Variants in HORMAD2 observed in about 807,000 individuals in gnomAD.
HORMAD2 encodes the protein HORMA domain-containing protein 2.
HORMAD2 carries 45 observed loss-of-function variants against 38.8 expected under a neutral mutation model. The ratio of observed to expected loss-of-function variants is 1.16; its 90% CI spans 0.91 to 1.49. HORMAD2 has a LOEUF of 1.49. Among genes scored for constraint, HORMAD2 ranks in the 40% most tolerant of loss-of-function variants. The probability of loss-of-function intolerance (pLI) is 0.00; values close to 1 mark genes in which losing one functional copy is unlikely to be tolerated. For missense variants in HORMAD2, 338 were observed against 367.0 expected, an observed-to-expected ratio of 0.92 and a Z score of 0.65; for synonymous variants, 126 against 122.8, an observed-to-expected ratio of 1.03 and a Z score of -0.17.
At chr22:30,139,670 C>T (rs914975666) in intron 10 of HORMAD2, among the ~76,000 whole-genome samples, 5 of 151,854 alleles carry the variant, frequency 3.3e-5, no homozygotes, top group African/African-American at 7.3e-5. Flanking sequence ...TGTCTTGTTC[C>T]TAATCTTAGA....
intron 10 of HORMAD2, among the ~76,000 whole-genome samples, chr22:30,167,903 A>G (rs993796882): frequency 2.0e-5 from 3 of 152,172 alleles, no homozygotes; most frequent in Non-Finnish European, 2.9e-5. Context: ...TGTGAACTAG[A>G]TAAGTCATTT....
At chr22:30,155,076 TAA>T (rs76739346) in intron 10 of HORMAD2, among the ~76,000 whole-genome samples, 36 of 137,932 alleles carry the variant, frequency 2.6e-4, no homozygotes, top group Non-Finnish European at 3.5e-4. Context: ...TTGCTTTTTT[TAA>T]AAAAAAAAAA....
In HORMAD2 at chr22:30,122,519, G is replaced by A. The variant is rs145224751; in HGVS notation, c.819+305G>A. On this transcript the variant is annotated intron_variant, in intron 10 of 10. Coordinates refer to ENST00000336726, the MANE Select transcript of HORMAD2 (RefSeq NM_152510.4). Reference sequence around the variant, plus strand: ...TTTATTTGTAAATGACATAATTTTAGGGTTGAAAAATATTCTAGGTATTTA... The same window carrying A: ...TTTATTTGTAAATGACATAATTTTAAGGTTGAAAAATATTCTAGGTATTTA... Among the ~76,000 whole-genome samples, 46 of 152,072 alleles carry A rather than the reference G, an allele frequency of 3.0e-4. 2 individuals are homozygous for A. In the East Asian group the frequency reaches 8.9e-3, roughly 29 times the overall value.
At chr22:30,097,335 T>A (rs1302535386) in intron 2 of HORMAD2, among the ~76,000 whole-genome samples, 1 of 152,214 alleles carries the variant, frequency 6.6e-6, no homozygotes, top group Non-Finnish European at 1.5e-5. Flanking sequence ...TATCAGTCGC[T>A]CTCTTATCAC....
intron 10 of HORMAD2, chr22:30,136,921 T>C (rs1923703624): frequency 4.0e-6 from 2 of 496,608 alleles, no homozygotes; most frequent in South Asian, 5.3e-5. Flanking sequence ...ACCACTTCTT[T>C]CAAGTCATTT....
rs2068811481 is a variant in HORMAD2 at position 30,097,872 on chromosome 22, G to A, written c.52-980G>A. Among the ~76,000 whole-genome samples, 4 of 152,202 alleles carry A rather than the reference G, an allele frequency of 2.6e-5. No homozygotes were observed. In the South Asian group the frequency reaches 6.2e-4, roughly 24 times the overall value. ...ATAAGGGGCTACTGCAGTAATCAAG[G>A]AGAGAATTGAGTATGTCCTCGGTCA... On this transcript the variant is annotated intron_variant, in intron 2 of 10. Transcript: ENST00000336726.
At chr22:30,130,107 A>T (rs540506762) in intron 10 of HORMAD2, among the ~76,000 whole-genome samples, 7 of 152,302 alleles carry the variant, frequency 4.6e-5, no homozygotes, top group Non-Finnish European at 8.8e-5. Context: ...AACAGCTTAC[A>T]CTGCTTTTCT....
intron 10 of HORMAD2, among the ~76,000 whole-genome samples, chr22:30,148,607 T>C (rs890627369): frequency 6.6e-6 from 1 of 152,220 alleles, no homozygotes; most frequent in African/African-American, 2.4e-5. Context: ...GTCCTATTGA[T>C]AATTGTCTCA....
upstream of HORMAD2, among the ~76,000 whole-genome samples, chr22:30,079,086 T>C (rs1413889961): frequency 1.3e-5 from 2 of 152,210 alleles, no homozygotes; most frequent in Non-Finnish European, 2.9e-5. Flanking sequence ...AGTCATTATG[T>C]TCTAAACTCA....
At chr22:30,105,297 T>C in intron 5 of HORMAD2, 1 of 173,818 alleles carries the variant, frequency 5.8e-6, no homozygotes, top group South Asian at 1.3e-4. Context: ...CGCATGAACT[T>C]GGTGTGTTTG....
At chr22:30,180,915 CCCTTCCCTCTCCTCTCCTCT>C (rs1926676834), downstream of HORMAD2, among the ~76,000 whole-genome samples, 1 of 90,026 alleles carries the variant, frequency 1.1e-5, no homozygotes, top group African/African-American at 4.8e-5. Flanking sequence ...CTTTCCCTTT[CCCTTCCCTCTCCTCTCCTCT>C]CCTCTCCTCT....
chr22:30,096,759 A>C (rs975829302), intron 2 of HORMAD2, among the ~76,000 whole-genome samples: 1 of 151,922 alleles, frequency 6.6e-6, no homozygotes, highest in South Asian at 2.1e-4. Flanking sequence ...GTGAGCCACC[A>C]CCCCTGGCCT....
In HORMAD2 at chr22:30,098,978, G is replaced by A. The variant is rs754337136; in HGVS notation, c.178G>A (p.Glu60Lys). ...RGLFPESSYGERHLDDLSLKI... is the reference protein window; with the variant it reads ...RGLFPESSYGKRHLDDLSLKI... ...CCTGTTTCCAGAGAGCTCTTATGGA[G>A]AACGCCATTTGGATGGTAAAGTTAA... Residue 60 changes from glutamate (E) to lysine (K), a missense_variant, in exon 3 of 11, where the codon GAA (glutamate) becomes AAA (lysine). Glu to Lys is a moderately conservative substitution (Grantham distance 56). Coordinates refer to ENST00000336726, the MANE Select transcript of HORMAD2 (RefSeq NM_152510.4). 2.5e-6 allele frequency: 4 copies of A among 1,608,694 alleles called. No individual in the cohort carries two copies. In the East Asian group the frequency reaches 6.7e-5, roughly 27 times the overall value.
chr22:30,154,819 G>A (rs987543036), intron 10 of HORMAD2, among the ~76,000 whole-genome samples: 9 of 152,100 alleles, frequency 5.9e-5, no homozygotes, highest in African/African-American at 1.9e-4. Flanking sequence ...TGTTATCCCA[G>A]CACTTTTGGA....
intron 10 of HORMAD2, among the ~76,000 whole-genome samples, chr22:30,165,012 T>A (rs940331342): frequency 2.5e-4 from 38 of 152,192 alleles, no homozygotes; most frequent in Non-Finnish European, 8.8e-5. Context: ...TAAGAAATCC[T>A]TGTTAATTCC....
the HORMAD2 span, among the ~76,000 whole-genome samples, chr22:30,204,030 C>T: frequency 6.6e-6 from 1 of 152,334 alleles, no homozygotes; most frequent in East Asian, 1.9e-4. Flanking sequence ...CCTACATACC[C>T]CCCATGCCCT....
chr22:30,207,430 T>C, the HORMAD2 span, among the ~76,000 whole-genome samples: 1 of 152,064 alleles, frequency 6.6e-6, no homozygotes, highest in South Asian at 2.1e-4. Flanking sequence ...GTTTGACCTC[T>C]TTACCCAAAT....
the HORMAD2 span, among the ~76,000 whole-genome samples, chr22:30,202,939 G>T: frequency 2.0e-5 from 3 of 152,206 alleles, no homozygotes; most frequent in Non-Finnish European, 4.4e-5. Flanking sequence ...TCCCTGAGGT[G>T]GAGAAGGAGC....
At chr22:30,159,845 T>C (rs1925334072) in intron 10 of HORMAD2, among the ~76,000 whole-genome samples, 1 of 152,130 alleles carries the variant, frequency 6.6e-6, no homozygotes, top group South Asian at 2.1e-4. Flanking sequence ...AGGTCCTTAG[T>C]TTTTTCCTCT....
Sources: gnomAD v4.1 joint callset for allele counts (sites outside exome capture counted in the v4.1 genomes callset) on GRCh38, gnomAD v4.1.1 for gene constraint, MANE v1.5 for transcripts, NCBI Gene and HGNC (gene_info 2026-07-23, HGNC 2026-07-21) for gene names.